Variants in SUSD6 observed in about 807,000 individuals in gnomAD.
The protein encoded by SUSD6 is sushi domain containing 6, also known as sushi domain-containing protein 6.
A neutral mutation model predicts 28.4 loss-of-function variants in SUSD6; 16 were observed. The observed-to-expected ratio is 0.56, with a 90% CI of 0.38 to 0.86. The LOEUF is 0.86. Ranked by LOEUF, SUSD6 falls within the 40% of genes least tolerant of loss-of-function variation. SUSD6 has a pLI of 0.00. For missense variants in SUSD6, 341 were observed against 384.2 expected, an observed-to-expected ratio of 0.89 and a Z score of 0.94; for synonymous variants, 147 against 159.6, an observed-to-expected ratio of 0.92 and a Z score of 0.59.
intron 1 of SUSD6, among the ~76,000 whole-genome samples, chr14:69,655,140 T>C (rs1421110501): frequency 6.6e-6 from 1 of 152,192 alleles, no homozygotes; most frequent in East Asian, 1.9e-4. Context: ...TCCGTGCTTA[T>C]AGGGGTGTGT....
At chr14:69,678,711 G>A (rs1885953890) in intron 2 of SUSD6, among the ~76,000 whole-genome samples, 1 of 152,150 alleles carries the variant, frequency 6.6e-6, no homozygotes, top group Non-Finnish European at 1.5e-5. Context: ...GGTGAGGTGA[G>A]AGGGTCACTT....
rs1885447837 is a variant in SUSD6 at position 69,647,676 on chromosome 14, GAAA to G, written c.-80-10836_-80-10834del. ...GGAAAAAAAAAAAAGGAAAAAAGGA[GAAA>G]GTGACTTAAAGAATCAGGATTTGGG... On this transcript the variant is annotated intron_variant, in intron 1 of 5. Coordinates refer to ENST00000342745, the MANE Select transcript of SUSD6 (RefSeq NM_014734.4). Among the ~76,000 whole-genome samples the G allele has an allele frequency of 2.0e-5, 3 of 151,778 alleles. 1 individual carries two copies. The South Asian group carries it at 6.2e-4, about 31-fold the overall frequency.
At chr14:69,630,322 T>C (rs914905856) in intron 1 of SUSD6, among the ~76,000 whole-genome samples, 1 of 152,066 alleles carries the variant, frequency 6.6e-6, no homozygotes, top group African/African-American at 2.4e-5. Flanking sequence ...GTGGTCTCTC[T>C]CCCCCAAGTG....
At chr14:69,651,132 A>G (rs1885498211) in intron 1 of SUSD6, among the ~76,000 whole-genome samples, 1 of 152,182 alleles carries the variant, frequency 6.6e-6, no homozygotes, top group Non-Finnish European at 1.5e-5. Flanking sequence ...AGAAAGACTC[A>G]CTGACTTGCC....
chr14:69,615,145 C>T lies in SUSD6; in HGVS notation c.-81+3317C>T, dbSNP rs964744941. On this transcript the variant is annotated intron_variant, in intron 1 of 5. Coordinates refer to ENST00000342745, the MANE Select transcript of SUSD6 (RefSeq NM_014734.4). ...AGAGCAAACATTGCTTTGTTGCAGA[C>T]TTGAATGTTGAGGATTAGGACATTT... is the stretch of plus-strand genomic sequence containing the variant. 2.0e-5 allele frequency among the ~76,000 whole-genome samples: 3 copies of T among 152,180 alleles called. No homozygotes were observed. In the East Asian group the frequency reaches 5.8e-4, roughly 29 times the overall value.
At chr14:69,660,521 G>A (rs906989680) in intron 2 of SUSD6, among the ~76,000 whole-genome samples, 3 of 152,222 alleles carry the variant, frequency 2.0e-5, no homozygotes, top group Admixed American at 1.3e-4. Context: ...ACAAAATGAA[G>A]CAGAGCCTCC....
At chr14:69,686,170 C>T (rs536994320) in intron 2 of SUSD6, among the ~76,000 whole-genome samples, 2 of 152,278 alleles carry the variant, frequency 1.3e-5, no homozygotes, top group African/African-American at 2.4e-5. Context: ...CAGTTGAATA[C>T]TCATTGACTT....
chr14:69,682,799 G>A (rs1349388833), intron 2 of SUSD6, among the ~76,000 whole-genome samples: 1 of 152,170 alleles, frequency 6.6e-6, no homozygotes, highest in East Asian at 1.9e-4. Flanking sequence ...ACTATGCTGA[G>A]TTCCACATCT....
chr14:69,631,758 C>T (rs549123740), intron 1 of SUSD6, among the ~76,000 whole-genome samples: 5 of 152,180 alleles, frequency 3.3e-5, no homozygotes, highest in Admixed American at 6.5e-5. Flanking sequence ...CCCCAAGTCA[C>T]GGGCTTGCAA....
chr14:69,695,858 T>C (rs1218450602), intron 2 of SUSD6, among the ~76,000 whole-genome samples: 3 of 152,224 alleles, frequency 2.0e-5, no homozygotes, highest in African/African-American at 4.8e-5. Context: ...GCTGTTGTTA[T>C]TAGGAGGCTT....
At chr14:69,678,934 G>A (rs571676875) in intron 2 of SUSD6, among the ~76,000 whole-genome samples, 10 of 152,296 alleles carry the variant, frequency 6.6e-5, no homozygotes, top group South Asian at 2.1e-4. Context: ...GGAGAGTTCC[G>A]GATTGTTGGA....
At chr14:69,653,141 G>A (rs141887390) in intron 1 of SUSD6, among the ~76,000 whole-genome samples, 1 of 152,132 alleles carries the variant, frequency 6.6e-6, no homozygotes, top group African/African-American at 2.4e-5. Context: ...AGGAACTTAC[G>A]GACAGGAAGT....
chr14:69,693,756 T>G (rs1886185038), intron 2 of SUSD6, among the ~76,000 whole-genome samples: 2 of 152,222 alleles, frequency 1.3e-5, no homozygotes, highest in Non-Finnish European at 2.9e-5. Context: ...AGAGGAGTTA[T>G]GACAGTTGAC....
chr14:69,658,801 C>T (rs1885622225), intron 2 of SUSD6, 88 bp downstream of exon 2: 1 of 1,569,572 alleles, frequency 6.4e-7, no homozygotes, highest in East Asian at 2.3e-5. Context: ...GACTCTCCTC[C>T]TGGCAGGCGG....
chr14:69,613,172 A>C (rs1410398201), intron 1 of SUSD6, among the ~76,000 whole-genome samples: 2 of 152,192 alleles, frequency 1.3e-5, no homozygotes, highest in African/African-American at 4.8e-5. Context: ...CTGAGTACCA[A>C]CCTTTGTGCT....
At chr14:69,665,176 A>G (rs1337859699) in intron 2 of SUSD6, among the ~76,000 whole-genome samples, 2 of 152,212 alleles carry the variant, frequency 1.3e-5, no homozygotes, top group Non-Finnish European at 2.9e-5. Flanking sequence ...AGCCCTGTTC[A>G]TCGACCTCAT....
chr14:69,667,036 C>T (rs560862292), intron 2 of SUSD6, among the ~76,000 whole-genome samples: 2 of 152,064 alleles, frequency 1.3e-5, no homozygotes, highest in African/African-American at 4.8e-5. Context: ...TGGGAGAGGG[C>T]GGGACCTTTG....
chr14:69,650,832 A>G (rs1190384258), intron 1 of SUSD6, among the ~76,000 whole-genome samples: 1 of 152,148 alleles, frequency 6.6e-6, no homozygotes, highest in African/African-American at 2.4e-5. Context: ...TAGTCCATAC[A>G]AATGTGCTGA....
chr14:69,678,947 T>C (rs538762109), intron 2 of SUSD6, among the ~76,000 whole-genome samples: 1 of 152,242 alleles, frequency 6.6e-6, no homozygotes, highest in Non-Finnish European at 1.5e-5. Context: ...TTGTTGGAAA[T>C]GCACTTCAAC....
Sources: gnomAD v4.1 joint callset for allele counts (sites outside exome capture counted in the v4.1 genomes callset) on GRCh38, gnomAD v4.1.1 for gene constraint, MANE v1.5 for transcripts, NCBI Gene and HGNC (gene_info 2026-07-23, HGNC 2026-07-21) for gene names.